FTO: variants seen among roughly 807,000 people sequenced by gnomAD.
The protein encoded by FTO is alpha-ketoglutarate-dependent dioxygenase FTO.
A neutral mutation model predicts 63.9 loss-of-function variants in FTO; 47 were observed. That is an observed-to-expected ratio of 0.74 (90% CI 0.58 to 0.94). The LOEUF is 0.94. Among genes scored for constraint, FTO ranks in the 40% least tolerant of loss-of-function variants. FTO has a pLI of 0.00. For missense variants in FTO, 562 were observed against 618.1 expected (o/e 0.91, Z 0.96); for synonymous variants, 207 against 224.4 (o/e 0.92, Z 0.69).
intron 8 of FTO, among the ~76,000 whole-genome samples, chr16:54,082,676 T>A (rs1567560694): frequency 6.6e-6 from 1 of 152,198 alleles, no homozygotes; most frequent in Non-Finnish European, 1.5e-5. Context: ...CATACAATTT[T>A]AAGAATCCTT....
chr16:53,937,052 T>C (rs888346281), intron 8 of FTO, among the ~76,000 whole-genome samples: 5 of 152,222 alleles, frequency 3.3e-5, no homozygotes. Context: ...CTGAAGCATA[T>C]GTTCCTTGTA....
intron 1 of FTO, among the ~76,000 whole-genome samples, chr16:53,808,373 A>C (rs946377640): frequency 6.6e-6 from 1 of 152,068 alleles, no homozygotes; most frequent in Non-Finnish European, 1.5e-5. Flanking sequence ...TGGTAAGTCA[A>C]CCTTTTCGTT....
Position 53,850,427 on chromosome 16 carries a change from G to A in FTO, c.895+6129G>A, listed in dbSNP as rs531934945. ...CCCAAATACTGACATTTTCAAGCTT[G>A]TGCTTTTTTACTTGATATCTGATTT... On this transcript the variant is annotated intron_variant, in intron 4 of 8. Transcript: ENST00000471389. Among the ~76,000 whole-genome samples, 305 of 151,580 alleles carry A rather than the reference G, an allele frequency of 2.0e-3. 2 individuals carry two copies. Among genetic ancestry groups the A allele is most frequent in the African/African-American group, 7.2e-3 (299 of 41,302 alleles).
intron 7 of FTO, among the ~76,000 whole-genome samples, chr16:53,896,334 G>A (rs564736022): frequency 2.0e-5 from 3 of 150,646 alleles, no homozygotes; most frequent in Non-Finnish European, 4.4e-5. Context: ...TTTTTTGTGG[G>A]GAGCATGGTA....
rs1443197001 is a variant in FTO, at chr16:54,116,327, C to G, written c.*4412C>G. The G allele has an allele frequency of 6.6e-6, 1 of 151,834 alleles. No individual in the cohort carries two copies. Among genetic ancestry groups the G allele is most frequent in the Non-Finnish European group, 1.5e-5 (1 of 68,022 alleles). The allele number at this position is 151,834 out of a possible 1,614,324, so 9.4% of individuals were successfully genotyped here. ...AAAACTGTTTATTTTGGAGATCTGT[C>G]AGAGGCAAGCACATGGAAGACAAGG... is the stretch of plus-strand genomic sequence containing the variant. On this transcript the variant is annotated 3_prime_UTR_variant, in exon 9 of 9. Transcript: ENST00000471389.
At chr16:54,003,383 C>T (rs1415919710) in intron 8 of FTO, among the ~76,000 whole-genome samples, 2 of 152,188 alleles carry the variant, frequency 1.3e-5, no homozygotes, top group African/African-American at 4.8e-5. Flanking sequence ...AATTTGTTTA[C>T]ATTACTTGTC....
intron 2 of FTO, among the ~76,000 whole-genome samples, chr16:53,824,399 T>C (rs903387854): frequency 2.0e-5 from 3 of 152,230 alleles, no homozygotes; most frequent in Non-Finnish European, 4.4e-5. Flanking sequence ...TTCTGGTGCC[T>C]TCTTTTCCTG....
At chr16:54,050,061 T>TG in intron 8 of FTO, among the ~76,000 whole-genome samples, 1 of 152,268 alleles carries the variant, frequency 6.6e-6, no homozygotes, top group Admixed American at 6.5e-5. Context: ...AGTAACTGAG[T>TG]GGGGGCCTGT....
intron 1 of FTO, among the ~76,000 whole-genome samples, chr16:53,804,437 T>C (rs2078303050): frequency 6.6e-6 from 1 of 152,158 alleles, no homozygotes; most frequent in Admixed American, 6.5e-5. Context: ...AGAGTCTCCA[T>C]TCAAAATTCT....
chr16:53,915,645 C>G (rs551173023), intron 7 of FTO, among the ~76,000 whole-genome samples: 2 of 152,292 alleles, frequency 1.3e-5, no homozygotes, highest in East Asian at 3.9e-4. Flanking sequence ...AGGTGGTAGA[C>G]TCGAACACAG....
chr16:54,082,956 T>C (rs1289804619), intron 8 of FTO, among the ~76,000 whole-genome samples: 1 of 152,218 alleles, frequency 6.6e-6, no homozygotes, highest in Non-Finnish European at 1.5e-5. Flanking sequence ...TTCTTAATTG[T>C]AAAAAGTAAA....
At chr16:53,882,467 A>G (rs913366962) in intron 6 of FTO, among the ~76,000 whole-genome samples, 18 of 152,148 alleles carry the variant, frequency 1.2e-4, no homozygotes, top group African/African-American at 4.3e-4. Flanking sequence ...GAATTGAAGG[A>G]CATGAGAAAC....
At chr16:53,929,742 G>C (rs2082235705) in intron 7 of FTO, among the ~76,000 whole-genome samples, 2 of 152,172 alleles carry the variant, frequency 1.3e-5, no homozygotes, top group South Asian at 4.1e-4. Context: ...GTGCCTTGGG[G>C]CTTTGAGAAG....
At chr16:53,866,811 C>A (rs931043466) in intron 4 of FTO, among the ~76,000 whole-genome samples, 3 of 151,940 alleles carry the variant, frequency 2.0e-5, no homozygotes, top group Admixed American at 6.6e-5. Flanking sequence ...TTTAAAAGAA[C>A]CAACTTTTGC....
rs2086965091 is a variant in FTO, at chr16:54,115,030, C to T, written c.*3115C>T. 2 of 152,254 alleles carry T rather than the reference C, an allele frequency of 1.3e-5. No homozygotes were observed. Among genetic ancestry groups the T allele is most frequent in the Admixed American group, 6.5e-5 (1 of 15,288 alleles). 9.4% of individuals were successfully genotyped at this position (152,254 alleles called of 1,614,324 possible). Reference sequence around the variant, plus strand: ...CTGGTGCGGGCAATGACAATGAACTCGTATCCTGCAGGGTCAAAGGAAGGC... The same window carrying T: ...CTGGTGCGGGCAATGACAATGAACTTGTATCCTGCAGGGTCAAAGGAAGGC... On this transcript the variant is annotated 3_prime_UTR_variant, in exon 9 of 9. Transcript: ENST00000471389.
chr16:53,987,574 C>T (rs2083699749), intron 8 of FTO, among the ~76,000 whole-genome samples: 1 of 130,028 alleles, frequency 7.7e-6, no homozygotes, highest in Non-Finnish European at 1.6e-5. Flanking sequence ...CAGAGAAAGA[C>T]TCTGTCTCAA....
At chr16:54,008,576 C>A (rs567785102) in intron 8 of FTO, 12 of 151,988 alleles carry the variant, frequency 7.9e-5, no homozygotes, top group African/African-American at 2.9e-4. Flanking sequence ...AAATACCTTC[C>A]CCCTGCATTC....
chr16:53,828,300 A>G (rs9936016), intron 3 of FTO, among the ~76,000 whole-genome samples: 117,240 of 152,052 alleles, frequency 0.77, 45,247 homozygotes, highest in African/African-American at 0.82. Context: ...ACTCACTGCA[A>G]GCTCCGCCTC....
intron 4 of FTO, among the ~76,000 whole-genome samples, chr16:53,856,136 G>A (rs1026427117): frequency 2.0e-5 from 3 of 151,852 alleles, no homozygotes; most frequent in African/African-American, 7.3e-5. Context: ...TATCCTGTGT[G>A]TGTTATTTGC....
Sources: gnomAD v4.1 joint callset for allele counts (sites outside exome capture counted in the v4.1 genomes callset) on GRCh38, gnomAD v4.1.1 for gene constraint, MANE v1.5 for transcripts, NCBI Gene and HGNC (gene_info 2026-07-23, HGNC 2026-07-21) for gene names.